Variants in NUCB2 observed in about 807,000 individuals in gnomAD.
NUCB2 encodes the protein nucleobindin 2, also known as nucleobindin-2.
A neutral mutation model predicts 57.9 loss-of-function variants in NUCB2; 48 were observed. The observed-to-expected ratio is 0.83, with a 90% CI of 0.66 to 1.05. The LOEUF (loss-of-function observed/expected upper bound fraction) is 1.05. Among genes scored for constraint, NUCB2 ranks in the 50% least tolerant of loss-of-function variants. NUCB2 has a pLI of 0.00. For missense variants in NUCB2, 442 were observed against 476.2 expected (o/e 0.93, Z 0.67); for synonymous variants, 139 against 152.1 (o/e 0.91, Z 0.64).
At chr11:17,295,744 C>G (rs1388901146) in intron 3 of NUCB2, 2 of 403,152 alleles carry the variant, frequency 5.0e-6, no homozygotes, top group Non-Finnish European at 8.8e-6. Context: ...AATCGTAATA[C>G]ATTTCCAACA....
At chr11:17,296,276 T>A in intron 4 of NUCB2, 65 bp downstream of exon 4, 427 of 750,434 alleles carry the variant, frequency 5.7e-4, no homozygotes, top group Non-Finnish European at 8.1e-4. Flanking sequence ...AGAGATGAGG[T>A]CTCACCATAT....
chr11:17,339,872 A>G (rs1169015811), intron 2 of NUCB2, among the ~76,000 whole-genome samples: 1 of 152,182 alleles, frequency 6.6e-6, no homozygotes, highest in African/African-American at 2.4e-5. Flanking sequence ...ATACGCAGTA[A>G]TGGGATGGCT....
intron 1 of NUCB2, among the ~76,000 whole-genome samples, chr11:17,281,856 C>CTT (rs34279210): frequency 8.2e-5 from 12 of 146,640 alleles, no homozygotes; most frequent in African/African-American, 3.0e-4. Flanking sequence ...ATTTTATTTG[C>CTT]TTTTTTTTTT....
At chr11:17,339,467 C>T (rs1370533120) in intron 2 of NUCB2, among the ~76,000 whole-genome samples, 1 of 151,784 alleles carries the variant, frequency 6.6e-6, no homozygotes, top group Non-Finnish European at 1.5e-5. Context: ...CGTCATTTAA[C>T]ATTAGGTATA....
intron 1 of NUCB2, among the ~76,000 whole-genome samples, chr11:17,281,713 A>G (rs919526158): frequency 4.6e-5 from 7 of 152,150 alleles, no homozygotes; most frequent in African/African-American, 1.7e-4. Context: ...ATTTTTTACC[A>G]TGTTGTGTCA....
At chr11:17,279,838 G>A (rs1942189382) in intron 1 of NUCB2, among the ~76,000 whole-genome samples, 1 of 147,544 alleles carries the variant, frequency 6.8e-6, no homozygotes, top group South Asian at 2.1e-4. Flanking sequence ...CAGGCTGACT[G>A]GAGTACAGTG....
In NUCB2 at chr11:17,320,059, G is replaced by A. The variant is rs113659299; in HGVS notation, c.1002+4584G>A. Reference sequence around the variant, plus strand: ...CCAGCTTCATCCATGCTCCTGCAGGGGACATGATCTCGTTCTTTTTTTATG... The same window carrying A: ...CCAGCTTCATCCATGCTCCTGCAGGAGACATGATCTCGTTCTTTTTTTATG... On this transcript the variant is annotated intron_variant, in intron 11 of 13. Coordinates refer to ENST00000529010, the MANE Select transcript of NUCB2 (RefSeq NM_005013.4). Among the ~76,000 whole-genome samples, 1,074 of 147,288 alleles carry A rather than the reference G, an allele frequency of 7.3e-3. 15 individuals carry two copies. The highest frequency in any genetic ancestry group is 0.024 in the African/African-American group (996 of 41,362).
intron 11 of NUCB2, among the ~76,000 whole-genome samples, chr11:17,327,020 A>G (rs1950774508): frequency 6.6e-6 from 1 of 152,178 alleles, no homozygotes; most frequent in Non-Finnish European, 1.5e-5. Flanking sequence ...TCAGTACTGC[A>G]AATATTTCAT....
chr11:17,300,967 CTTT>C (rs71047541), intron 4 of NUCB2, among the ~76,000 whole-genome samples: 3 of 84,412 alleles, frequency 3.6e-5, no homozygotes, highest in South Asian at 4.1e-4. Context: ...TAAAGCTAAT[CTTT>C]TTTTTTTTTT....
At chr11:17,282,492 C>T (rs1942913498) in intron 1 of NUCB2, among the ~76,000 whole-genome samples, 1 of 151,936 alleles carries the variant, frequency 6.6e-6, no homozygotes, top group African/African-American at 2.4e-5. Flanking sequence ...AACTCCTGAC[C>T]TCAGGTGATC....
intron 1 of NUCB2, among the ~76,000 whole-genome samples, chr11:17,278,170 C>CTTT (rs35441492): frequency 0.014 from 1,187 of 85,132 alleles, 1 homozygote; most frequent in Non-Finnish European, 0.015. Flanking sequence ...TTTTACCCAT[C>CTTT]TTTTTTTTTT....
At chr11:17,327,375 G>A (rs1950823615) in intron 11 of NUCB2, among the ~76,000 whole-genome samples, 1 of 152,086 alleles carries the variant, frequency 6.6e-6, no homozygotes, top group African/African-American at 2.4e-5. Context: ...TCCTTTCTTT[G>A]TACTTGACCT....
chr11:17,343,605 C>T (rs1164219543), intron 2 of NUCB2, among the ~76,000 whole-genome samples: 2 of 151,630 alleles, frequency 1.3e-5, no homozygotes, highest in African/African-American at 2.4e-5. Context: ...TGAATTTTAT[C>T]CTTTCTGTTC....
chr11:17,313,033 C>G (rs1035273586), intron 10 of NUCB2, among the ~76,000 whole-genome samples: 2 of 150,552 alleles, frequency 1.3e-5, no homozygotes, highest in African/African-American at 4.9e-5. Context: ...TTTTAAGAGA[C>G]AGCATGTCTT....
downstream of NUCB2, among the ~76,000 whole-genome samples, chr11:17,335,570 C>T (rs1197216569): frequency 5.9e-5 from 9 of 151,984 alleles, no homozygotes; most frequent in Admixed American, 2.6e-4. Flanking sequence ...AGTGCGATCT[C>T]GGCTCACTGC....
chr11:17,320,784 A>G (rs1949922263), intron 11 of NUCB2, among the ~76,000 whole-genome samples: 2 of 152,282 alleles, frequency 1.3e-5, no homozygotes, highest in South Asian at 4.1e-4. Flanking sequence ...TACTCATTTA[A>G]AATAAAAGTA....
chr11:17,337,156 G>T (rs1361743354), downstream of NUCB2, among the ~76,000 whole-genome samples: 2 of 152,036 alleles, frequency 1.3e-5, no homozygotes, highest in Non-Finnish European at 2.9e-5. Flanking sequence ...GCCCAGGCTG[G>T]CTTCAAATTC....
intron 5 of NUCB2, 109 bp downstream of exon 5, chr11:17,301,979 A>T (rs918484674): frequency 1.9e-5 from 16 of 835,852 alleles, no homozygotes; most frequent in Middle Eastern, 3.6e-4. Context: ...AGTTCACTAC[A>T]GCCTTGACCA....
chr11:17,345,341 A>C (rs1025919974), intron 2 of NUCB2, among the ~76,000 whole-genome samples: 1 of 152,222 alleles, frequency 6.6e-6, no homozygotes, highest in African/African-American at 2.4e-5. Flanking sequence ...CAAGATTTTA[A>C]AGAGCTTTTA....
Sources: gnomAD v4.1 joint callset for allele counts (sites outside exome capture counted in the v4.1 genomes callset) on GRCh38, gnomAD v4.1.1 for gene constraint, MANE v1.5 for transcripts, NCBI Gene and HGNC (gene_info 2026-07-23, HGNC 2026-07-21) for gene names.